Variants in STK3 observed in about 807,000 individuals in gnomAD.
STK3 encodes serine/threonine kinase 3, also known as serine/threonine-protein kinase 3.
In STK3, 41 loss-of-function variants were observed where a neutral mutation model predicts 58.0. The ratio of observed to expected loss-of-function variants is 0.71; its 90% CI spans 0.55 to 0.92. STK3 has a LOEUF of 0.92. Ranked by LOEUF, STK3 falls within the 40% of genes least tolerant of loss-of-function variation. The pLI, the probability that STK3 is intolerant of heterozygous loss-of-function variation, is 0.00. For missense variants in STK3, 479 were observed against 602.7 expected, an observed-to-expected ratio of 0.79 and a Z score of 2.15; for synonymous variants, 170 against 191.0, an observed-to-expected ratio of 0.89 and a Z score of 0.91.
intron 3 of STK3, among the ~76,000 whole-genome samples, chr8:98,866,324 G>A (rs1837145895): frequency 6.6e-6 from 1 of 152,134 alleles, no homozygotes; most frequent in South Asian, 2.1e-4. Flanking sequence ...TAGTGTAATT[G>A]GATCTCCTCT....
chr8:98,667,956 A>C (rs1283415481), intron 6 of STK3, among the ~76,000 whole-genome samples: 1 of 152,142 alleles, frequency 6.6e-6, no homozygotes, highest in African/African-American at 2.4e-5. Context: ...GTGACTCACC[A>C]TATAAAAGTT....
At chr8:98,593,046 G>A (rs1435270639) in intron 7 of STK3, among the ~76,000 whole-genome samples, 1 of 152,144 alleles carries the variant, frequency 6.6e-6, no homozygotes, top group Non-Finnish European at 1.5e-5. Flanking sequence ...TTACAGGCGT[G>A]AGCCACGGTG....
chr8:98,495,206 C>T (rs1020840898), intron 10 of STK3, among the ~76,000 whole-genome samples: 1 of 152,116 alleles, frequency 6.6e-6, no homozygotes, highest in Non-Finnish European at 1.5e-5. Context: ...TTCTAACCAT[C>T]AACGCAATGT....
In STK3 at chr8:98,941,853, C is replaced by T. The variant is rs545551968; in HGVS notation, c.-79+525G>A. Among the ~76,000 whole-genome samples the T allele has an allele frequency of 6.2e-4, 94 of 152,370 alleles. 2 individuals are homozygous for T. Among genetic ancestry groups the T allele is most frequent in the Non-Finnish European group, 4.4e-4 (30 of 68,044 alleles). ...TGAGAGCGTCCTTGGTGTCGCAAGT[C>T]CAGAGCCGCGAGGACAGCAGATGAC... On this transcript the variant is annotated intron_variant, in intron 1 of 1. Transcript: ENST00000519420.
chr8:98,843,124 T>C (rs1836062088), intron 3 of STK3, among the ~76,000 whole-genome samples: 2 of 151,686 alleles, frequency 1.3e-5, no homozygotes, highest in African/African-American at 4.8e-5. Context: ...TCTGGAAATG[T>C]TGTTTATGAT....
intron 10 of STK3, among the ~76,000 whole-genome samples, chr8:98,458,996 T>C (rs1819722838): frequency 6.6e-6 from 1 of 152,140 alleles, no homozygotes; most frequent in African/African-American, 2.4e-5. Flanking sequence ...ACTTGAAATG[T>C]GGAAGCAACT....
At chr8:98,764,355 T>TTTCA (rs1830813842) in intron 3 of STK3, among the ~76,000 whole-genome samples, 1 of 152,206 alleles carries the variant, frequency 6.6e-6, no homozygotes, top group Non-Finnish European at 1.5e-5. Context: ...TACCACACCC[T>TTTCA]TTCATTCATT....
At chr8:98,617,625 G>A (rs1290883109) in intron 6 of STK3, among the ~76,000 whole-genome samples, 47 of 151,990 alleles carry the variant, frequency 3.1e-4, no homozygotes, top group Admixed American at 3.0e-3. Context: ...AAATGATAAA[G>A]GGGATATCAC....
chr8:98,371,403 G>C (rs1359709102), exon 3 of STK3: 1 of 152,202 alleles, frequency 6.6e-6, no homozygotes, highest in Non-Finnish European at 1.5e-5. Context: ...GAAAACCGAG[G>C]CTCCAAGAGC....
At chr8:98,803,245 A>G (rs1030530221) in intron 1 of STK3, among the ~76,000 whole-genome samples, 1 of 152,200 alleles carries the variant, frequency 6.6e-6, no homozygotes, top group African/African-American at 2.4e-5. Flanking sequence ...ACACTGAAAA[A>G]AGAAAGGCCT....
At chr8:98,855,033 G>A (rs1453004820) in intron 3 of STK3, among the ~76,000 whole-genome samples, 1 of 152,046 alleles carries the variant, frequency 6.6e-6, no homozygotes, top group African/African-American at 2.4e-5. Flanking sequence ...TTCCAGCCTG[G>A]GTGACAGAGT....
chr8:98,382,793 A>C (rs1817750491), intron 1 of STK3, among the ~76,000 whole-genome samples: 1 of 152,164 alleles, frequency 6.6e-6, no homozygotes, highest in South Asian at 2.1e-4. Context: ...GATTCCTGAA[A>C]CTGGGCCCAA....
At position 98,775,090 on chromosome 8, in the gene STK3, T is replaced by C. The variant is rs11991346; in HGVS notation, c.27-271A>G. Among the ~76,000 whole-genome samples the C allele has an allele frequency of 2.4e-3, 366 of 152,308 alleles. 1 individual carries two copies. The highest frequency in any genetic ancestry group is 8.3e-3 in the African/African-American group (346 of 41,546). On this transcript the variant is annotated intron_variant, in intron 1 of 10. Coordinates refer to ENST00000419617, the MANE Select transcript of STK3 (RefSeq NM_006281.4). ...ATTCTTAATTCCTCCCCTTTGAATATATAAGAAGCATATACACACCCTTCT... is the reference window on the plus strand; with the variant it reads ...ATTCTTAATTCCTCCCCTTTGAATACATAAGAAGCATATACACACCCTTCT...
intron 3 of STK3, among the ~76,000 whole-genome samples, chr8:98,421,626 A>C (rs1818174684): frequency 6.6e-6 from 1 of 152,040 alleles, no homozygotes; most frequent in Non-Finnish European, 1.5e-5. Flanking sequence ...AAATACAAAA[A>C]TTAGCCAGGT....
In STK3 at chr8:98,428,295, G is replaced by A. The variant is rs373045610; in HGVS notation, n.483+5832C>T. The A allele has an allele frequency of 3.7e-6, 6 of 1,614,104 alleles. No individual in the cohort carries two copies. The highest frequency in any genetic ancestry group is 4.2e-6 in the Non-Finnish European group (5 of 1,180,022). ...TGTCTTCTCCTTCAGCCAGGAGATC[G>A]AGTACTGGGGCATCAACGAGTTCTT... On this transcript the variant is annotated intron_variant and non_coding_transcript_variant, in intron 3 of 3. Transcript: ENST00000517832. This position sits in a 1 kb window ranked among gnomAD's most constrained non-coding sequence, Gnocchi z 6.7.
intron 1 of STK3, among the ~76,000 whole-genome samples, chr8:98,890,303 T>C (rs967864184): frequency 5.9e-5 from 9 of 152,202 alleles, no homozygotes; most frequent in African/African-American, 2.2e-4. Context: ...TTGGTAAAAG[T>C]ATAATCCCCA....
At chr8:98,541,267 T>C (rs1328714451) in intron 9 of STK3, among the ~76,000 whole-genome samples, 1 of 152,172 alleles carries the variant, frequency 6.6e-6, no homozygotes, top group East Asian at 1.9e-4. Flanking sequence ...GATGATTGGA[T>C]CACGGGGGTA....
chr8:98,778,252 T>C (rs1365171900), intron 1 of STK3, among the ~76,000 whole-genome samples: 1 of 152,152 alleles, frequency 6.6e-6, no homozygotes, highest in Admixed American at 6.5e-5. Flanking sequence ...AAGAAGACAT[T>C]TATGCAGCCA....
chr8:98,737,946 G>C (rs200986237), intron 4 of STK3, among the ~76,000 whole-genome samples: 1 of 152,124 alleles, frequency 6.6e-6, no homozygotes, highest in Non-Finnish European at 1.5e-5. Flanking sequence ...CTGACCTCAG[G>C]TGATCCACCT....
Sources: gnomAD v4.1 joint callset for allele counts (sites outside exome capture counted in the v4.1 genomes callset) on GRCh38, gnomAD v4.1.1 for gene constraint, Gnocchi (gnomAD v3.1) non-coding constraint, MANE v1.5 for transcripts, NCBI Gene and HGNC (gene_info 2026-07-23, HGNC 2026-07-21) for gene names.